HIP1R: variants seen among roughly 807,000 people sequenced by gnomAD.
HIP1R encodes huntingtin-interacting protein 1-related protein.
HIP1R carries 135 observed loss-of-function variants against 144.2 expected under a neutral mutation model. The observed-to-expected ratio is 0.94, with a 90% confidence interval of 0.81 to 1.08. The LOEUF (loss-of-function observed/expected upper bound fraction) is 1.08. Among genes scored for constraint, HIP1R ranks in the 50% least tolerant of loss-of-function variants. HIP1R has a pLI of 0.00. For missense variants in HIP1R, 1,462 were observed against 1,432.8 expected (o/e 1.02, Z -0.33); for synonymous variants, 698 against 612.8 (o/e 1.14, Z -2.05).
Position 122,854,987 on chromosome 12 carries a change from T to C in HIP1R, c.776+25T>C, listed in dbSNP as rs748786424. 1.9e-6 allele frequency: 3 copies of C among 1,613,476 alleles called. No homozygotes were observed. The South Asian group carries it at 3.3e-5, about 18-fold the overall frequency. On this transcript the variant is annotated intron_variant, in intron 9 of 31. Transcript: ENST00000253083. ...GGTACTGCCTGGGACAGGGACAGGA[T>C]TGAGGCCGGTGGGGGAGAGGCTCCG...
chr12:122,839,896 C>G (rs748509399), intron 1 of HIP1R, among the ~76,000 whole-genome samples: 4 of 152,250 alleles, frequency 2.6e-5, no homozygotes, highest in Non-Finnish European at 5.9e-5. Context: ...ACAGCCCGCA[C>G]CGGCCAGCGG....
chr12:122,841,366 G>A lies in HIP1R; in HGVS notation c.93+5723G>A, dbSNP rs560079761. Among the ~76,000 whole-genome samples the A allele has an allele frequency of 7.2e-5, 11 of 152,310 alleles. No individual in the cohort carries two copies. In the East Asian group the frequency reaches 1.4e-3, roughly 19 times the overall value. The stretch of plus-strand genomic sequence containing the variant: ...CCAGGCTCGCCTGAGAAGTGGGAGT[G>A]TGTCATCTCCTTGCCGAGTTCCCTG... On this transcript the variant is annotated intron_variant, in intron 1 of 31. Transcript: ENST00000253083.
chr12:122,841,420 C>T (rs1477310376), intron 1 of HIP1R, among the ~76,000 whole-genome samples: 1 of 152,226 alleles, frequency 6.6e-6, no homozygotes, highest in East Asian at 1.9e-4. Context: ...CACCAGCCAC[C>T]TACCCTGGGG....
intron 7 of HIP1R, among the ~76,000 whole-genome samples, chr12:122,851,874 G>A (rs2033410046): frequency 6.6e-6 from 1 of 152,164 alleles, no homozygotes; most frequent in Non-Finnish European, 1.5e-5. Context: ...GGAGGGTGAG[G>A]AGGTGTGCAC....
chr12:122,858,693 G>A lies in HIP1R; in HGVS notation c.2051-145G>A. Reference sequence around the variant, plus strand: ...CCGGGGCCACACACACTGTGGTGTGGTTCCCACTGCCTCCTGGACGTTGTC... The same window carrying A: ...CCGGGGCCACACACACTGTGGTGTGATTCCCACTGCCTCCTGGACGTTGTC... On this transcript the variant is annotated intron_variant, in intron 20 of 31. Coordinates refer to ENST00000253083, the MANE Select transcript of HIP1R (RefSeq NM_003959.3). 4.3e-6 allele frequency: 3 copies of A among 699,888 alleles called. No individual in the cohort carries two copies. In the South Asian group the frequency reaches 5.0e-5, roughly 12 times the overall value. The allele number at this position is 699,888 out of a possible 1,614,324, so 43.4% of individuals were successfully genotyped here.
At chr12:122,854,589 G>A (rs539420091) in intron 8 of HIP1R, among the ~76,000 whole-genome samples, 1 of 151,332 alleles carries the variant, frequency 6.6e-6, no homozygotes, top group African/African-American at 2.5e-5. Context: ...GAGAACCACT[G>A]TGTTAGTGTC....
In HIP1R at chr12:122,861,927, G is replaced by T; in HGVS notation, c.*174G>T. 2 of 585,978 alleles carry T rather than the reference G, an allele frequency of 3.4e-6. No homozygotes were observed. The highest frequency in any genetic ancestry group is 5.9e-6 in the Non-Finnish European group (2 of 336,950). 36.3% of individuals were successfully genotyped at this position (585,978 alleles called of 1,614,324 possible). On this transcript the variant is annotated 3_prime_UTR_variant, in exon 32 of 32. Coordinates refer to ENST00000253083, the MANE Select transcript of HIP1R (RefSeq NM_003959.3). Reference sequence around the variant, plus strand: ...CTGAGCCTGCAGGGTCCTGGGCCATGTGGGTGGTGCTTCTGGATGTGAGTC... The same window carrying T: ...CTGAGCCTGCAGGGTCCTGGGCCATTTGGGTGGTGCTTCTGGATGTGAGTC...
At chr12:122,858,770 G>A (rs376290725) in intron 20 of HIP1R, 68 bp from the exon 21 acceptor site, 95 of 1,119,942 alleles carry the variant, frequency 8.5e-5, no homozygotes, top group East Asian at 1.4e-4. Context: ...GCTGGCCACC[G>A]ACGGTGGTCC....
Position 122,855,558 on chromosome 12 carries a change from C to A in HIP1R, c.1001C>A (p.Ala334Asp), listed in dbSNP as rs2033542424. The A allele has an allele frequency of 6.5e-7, 1 of 1,549,460 alleles. No homozygotes were observed. Among genetic ancestry groups the A allele is most frequent in the East Asian group, 2.4e-5 (1 of 40,916 alleles). The change falls in exon 12 of 32, where the codon GCT becomes GAT. Residue 334 changes from alanine to aspartate, a missense_variant. Transcript: ENST00000253083. ...GPPAGEPVVV[A>D]DLFDQTFGPP... ...CATGCTTTGCTGTGGCAGGTGGTGG[C>A]TGACCTCTTCGATCAGACGTTTGGA...
Position 122,835,772 on chromosome 12 carries a change from C to G in HIP1R, c.93+129C>G, listed in dbSNP as rs1439947286. The stretch of plus-strand genomic sequence containing the variant: ...CCAGGGGCGGGGGACGGCGCGGGGG[C>G]AGGGCCTGTGTCCGCCCGGGCTCTC... On this transcript the variant is annotated intron_variant, in intron 1 of 31. Coordinates refer to ENST00000253083, the MANE Select transcript of HIP1R (RefSeq NM_003959.3). 85 of 481,212 alleles carry G rather than the reference C, an allele frequency of 1.8e-4. No homozygotes were observed. In the East Asian group the frequency reaches 0.012, roughly 66 times the overall value. The allele number at this position is 481,212 out of a possible 1,614,324, so 29.8% of individuals were successfully genotyped here. A position where few individuals can be genotyped will look rare whatever the true frequency, so the allele number is the denominator to read the frequency against.
At chr12:122,851,104 T>A in intron 6 of HIP1R, 132 bp from the exon 7 acceptor site, 1 of 906,606 alleles carries the variant, frequency 1.1e-6, no homozygotes. Flanking sequence ...ACTGTCGTCC[T>A]GGCAGAGGCA....
chr12:122,858,532 G>A (rs1211616228), intron 20 of HIP1R, 97 bp downstream of exon 20: 1 of 1,014,278 alleles, frequency 9.9e-7, no homozygotes, highest in Non-Finnish European at 1.4e-6. Flanking sequence ...AGACAGCAGG[G>A]ACCTCTCTGG....
In HIP1R at chr12:122,861,018, C is replaced by T. The variant is rs1416967657; in HGVS notation, c.2869C>T (p.Gln957Ter). Residue 957 changes from glutamine to a stop codon, truncating the protein, a stop_gained, in exon 29 of 32, where the codon CAG becomes TAG. Coordinates refer to ENST00000253083, the MANE Select transcript of HIP1R (RefSeq NM_003959.3). LOFTEE classifies it high-confidence loss of function. ...ANVVASTKSGQEQIEDRDTMD... is the reference protein window; with the variant it reads ...ANVVASTKSG ...TGTGGTGGCCTCCACCAAGTCAGGC[C>T]AGGAGCAGATTGAGGACAGAGGTGA... 2 of 1,613,574 alleles carry T rather than the reference C, an allele frequency of 1.2e-6. No homozygotes were observed. Among genetic ancestry groups the T allele is most frequent in the Non-Finnish European group, 1.7e-6 (2 of 1,180,024 alleles).
chr12:122,845,468 G>C (rs2033183401), intron 1 of HIP1R, among the ~76,000 whole-genome samples: 1 of 152,234 alleles, frequency 6.6e-6, no homozygotes, highest in African/African-American at 2.4e-5. Context: ...CCAGCGCGGG[G>C]AGCAGGCAGC....
Position 122,862,255 on chromosome 12 carries a change from G to C in HIP1R, c.*502G>C, listed in dbSNP as rs902822753. The C allele has an allele frequency of 2.5e-5, 4 of 157,066 alleles. No individual in the cohort carries two copies. The highest frequency in any genetic ancestry group is 5.6e-5 in the Non-Finnish European group (4 of 71,728). 9.7% of individuals were successfully genotyped at this position (157,066 alleles called of 1,614,324 possible). A position where few individuals can be genotyped will look rare whatever the true frequency, so the allele number is the denominator to read the frequency against. On this transcript the variant is annotated 3_prime_UTR_variant, in exon 32 of 32. Coordinates refer to ENST00000253083, the MANE Select transcript of HIP1R (RefSeq NM_003959.3). ...GCCTTCTGGGGCACCGATTCTACCA[G>C]GCCCTCCAGCTGCGTGGTCTCCGCA...
intron 20 of HIP1R, 23 bp downstream of exon 20, chr12:122,858,458 G>A (rs376325969): frequency 3.5e-5 from 55 of 1,561,912 alleles, no homozygotes; most frequent in Non-Finnish European, 4.3e-5. Context: ...AGGGCAGGGC[G>A]GAGGCGGGGG....
Position 122,840,652 on chromosome 12 carries a change from C to T in HIP1R, c.93+5009C>T, listed in dbSNP as rs186459753. The stretch of plus-strand genomic sequence containing the variant: ...AACAAGCTCCCTGTTGAGCTCTGCC[C>T]GGTGCCCTTAGATTAGCTGTAAGCG... On this transcript the variant is annotated intron_variant, in intron 1 of 31. Coordinates refer to ENST00000253083, the MANE Select transcript of HIP1R (RefSeq NM_003959.3). The surrounding 1 kb of genome is among the most constrained non-coding windows in gnomAD (Gnocchi z 4.2). Among the ~76,000 whole-genome samples, 7 of 152,288 alleles carry T rather than the reference C, an allele frequency of 4.6e-5. No homozygotes were observed. The East Asian group carries it at 5.8e-4, about 13-fold the overall frequency.
At chr12:122,847,566 C>G (rs1482463456) in intron 1 of HIP1R, among the ~76,000 whole-genome samples, 1 of 152,220 alleles carries the variant, frequency 6.6e-6, no homozygotes, top group Non-Finnish European at 1.5e-5. Context: ...CTGGGAATGC[C>G]TCCCAGGAGA....
At chr12:122,845,000 G>A (rs534274562) in intron 1 of HIP1R, among the ~76,000 whole-genome samples, 92 of 152,344 alleles carry the variant, frequency 6.0e-4, no homozygotes, top group African/African-American at 2.1e-3. Context: ...CACCCCACTC[G>A]GCAGCTGTGA....
Sources: allele counts gnomAD v4.1 joint callset (sites outside exome capture counted in the v4.1 genomes callset), GRCh38; gene constraint gnomAD v4.1.1; non-coding constraint Gnocchi (gnomAD v3.1); transcripts MANE v1.5; gene names NCBI Gene and HGNC (gene_info 2026-07-23, HGNC 2026-07-21).